Variants in GIGYF2 observed in about 807,000 individuals in gnomAD.
The protein encoded by GIGYF2 is GRB10-interacting GYF protein 2.
A neutral mutation model predicts 208.1 loss-of-function variants in GIGYF2; 25 were observed. The ratio of observed to expected loss-of-function variants is 0.12; its 90% CI spans 0.09 to 0.17. GIGYF2 has a LOEUF of 0.17. Among genes scored for constraint, GIGYF2 ranks in the 10% least tolerant of loss-of-function variants. The probability of loss-of-function intolerance (pLI) is 1.00; values close to 1 mark genes in which losing one functional copy is unlikely to be tolerated. For synonymous variants in GIGYF2, 534 were observed against 543.8 expected (o/e 0.98, Z 0.25); for missense variants, 1,302 against 1,579.4 (o/e 0.82, Z 2.98).
At chr2:232,821,578 C>T (rs969673509) in intron 21 of GIGYF2, among the ~76,000 whole-genome samples, 4 of 152,166 alleles carry the variant, frequency 2.6e-5, no homozygotes, top group Non-Finnish European at 5.9e-5. Flanking sequence ...TCCTTATATT[C>T]TCAGTACATG....
chr2:232,739,370 C>CA (rs1196712960), intron 3 of GIGYF2, among the ~76,000 whole-genome samples: 5 of 134,522 alleles, frequency 3.7e-5, no homozygotes, highest in African/African-American at 1.1e-4. Flanking sequence ...AACCCCCCCC[C>CA]CCCCGCAAAA....
At chr2:232,758,937 A>G (rs1179075209) in intron 6 of GIGYF2, among the ~76,000 whole-genome samples, 1 of 152,188 alleles carries the variant, frequency 6.6e-6, no homozygotes, top group Non-Finnish European at 1.5e-5. Flanking sequence ...GGGGAGAAGT[A>G]CTTAAACTGT....
chr2:232,722,359 G>A (rs982539353), intron 2 of GIGYF2, among the ~76,000 whole-genome samples: 2 of 152,140 alleles, frequency 1.3e-5, no homozygotes, highest in Non-Finnish European at 2.9e-5. Flanking sequence ...AGTGCCAACC[G>A]AAGCGGGAAG....
At chr2:232,765,763 C>T (rs911806648) in intron 8 of GIGYF2, 9 of 325,602 alleles carry the variant, frequency 2.8e-5, no homozygotes, top group African/African-American at 1.5e-4. Context: ...ATAGACATAG[C>T]AATTTTTGGT....
At chr2:232,716,981 GTT>G (rs57977288) in intron 2 of GIGYF2, among the ~76,000 whole-genome samples, 3 of 139,820 alleles carry the variant, frequency 2.1e-5, no homozygotes, top group Non-Finnish European at 3.1e-5. Context: ...AATTTTTGTT[GTT>G]TTTTTTTTTT....
At chr2:232,838,969 A>G (rs897221454) in intron 22 of GIGYF2, among the ~76,000 whole-genome samples, 1 of 152,018 alleles carries the variant, frequency 6.6e-6, no homozygotes, top group African/African-American at 2.4e-5. Flanking sequence ...AACTGTTTAT[A>G]CCTTTTATCC....
At chr2:232,797,874 A>C (rs1323178085) in intron 14 of GIGYF2, among the ~76,000 whole-genome samples, 3 of 149,170 alleles carry the variant, frequency 2.0e-5, no homozygotes, top group African/African-American at 7.4e-5. Flanking sequence ...CCAGCTACTT[A>C]GGTGGCTGAG....
intron 16 of GIGYF2, chr2:232,810,240 G>A (rs1413868862): frequency 1.1e-5 from 2 of 175,002 alleles, no homozygotes; most frequent in South Asian, 1.2e-4. Flanking sequence ...TGCCTGCCTC[G>A]CCTCCCAAAG....
At chr2:232,741,512 G>A (rs939922330) in intron 3 of GIGYF2, among the ~76,000 whole-genome samples, 1 of 150,158 alleles carries the variant, frequency 6.7e-6, no homozygotes, top group Non-Finnish European at 1.5e-5. Flanking sequence ...GTGTGATCTC[G>A]GCTCACTGCA....
At chr2:232,830,563 G>A (rs971418829) in intron 21 of GIGYF2, among the ~76,000 whole-genome samples, 12 of 152,112 alleles carry the variant, frequency 7.9e-5, no homozygotes, top group Non-Finnish European at 1.6e-4. Flanking sequence ...TCTTACATGA[G>A]TATGGTACAT....
rs912309470 is a variant in GIGYF2, at chr2:232,783,809, C to A, written c.533-3341C>A. Among the ~76,000 whole-genome samples the A allele has an allele frequency of 1.2e-4, 19 of 152,242 alleles. No individual in the cohort carries two copies. In the East Asian group the frequency reaches 3.7e-3, roughly 29 times the overall value. On this transcript the variant is annotated intron_variant, in intron 8 of 28. Transcript: ENST00000373563. ...CAAGTGATTCTCCTGCCTCAGCCTC[C>A]CGAGTAGCTGGGATTGCAGGCATGC... is the stretch of plus-strand genomic sequence containing the variant.
In GIGYF2 at chr2:232,819,892, A is replaced by G; in HGVS notation, c.2436A>G (p.Glu812=). ...TAAGGCGACAGCGAGAAGAGGAAGA[A>G]AGACAGCAGCAAGAAGAAGCTCTTA... ...IALRRQREEE[E]RQQQEEALRR... is the part of the protein sequence containing the mutation. Residue 812 remains glutamate (E), a synonymous_variant, in exon 21 of 29, where the codon GAA becomes GAG. Transcript: ENST00000373563. 6.3e-7 allele frequency: 1 copy of G among 1,594,970 alleles called. No homozygotes were observed. The highest frequency in any genetic ancestry group is 8.6e-7 in the Non-Finnish European group (1 of 1,164,994).
Position 232,850,389 on chromosome 2 carries a change from G to A in GIGYF2, c.3812G>A (p.Arg1271Gln). The change falls in exon 28 of 29, where the codon CGA becomes CAA. Residue 1271 changes from arginine to glutamine, a missense_variant. Arg to Gln is a conservative substitution (Grantham distance 43). Coordinates refer to ENST00000373563, the MANE Select transcript of GIGYF2 (RefSeq NM_001103146.3). ...GKKKKKQKMVRADPSLLGFSV... is the reference protein window; with the variant it reads ...GKKKKKQKMVQADPSLLGFSV... ...AAGAAGAAAAAGCAGAAGATGGTCC[G>A]AGCAGATCCCAGTTTATTAGGTGAG... The A allele has an allele frequency of 1.2e-6, 2 of 1,614,142 alleles. No individual in the cohort carries two copies. The highest frequency in any genetic ancestry group is 1.7e-6 in the Non-Finnish European group (2 of 1,180,004).
At chr2:232,814,854 G>A (rs1010968212) in intron 18 of GIGYF2, among the ~76,000 whole-genome samples, 2 of 152,076 alleles carry the variant, frequency 1.3e-5, no homozygotes, top group African/African-American at 4.8e-5. Flanking sequence ...TAGTCCATTG[G>A]TTTTATACAG....
rs1164448136 is a variant in GIGYF2 at position 232,844,219 on chromosome 2, G to A, written c.3063G>A (p.Gln1021=). 5 of 1,564,612 alleles carry A rather than the reference G, an allele frequency of 3.2e-6. No homozygotes were observed. The highest frequency in any genetic ancestry group is 1.4e-5 in the African/African-American group (1 of 73,586). Residue 1021 remains glutamine, a synonymous_variant, in exon 24 of 29, where the codon CAG becomes CAA. Transcript: ENST00000373563. The part of the protein sequence containing the change: ...RQMQKQQQQQ[Q]QHQQPNRARN... ...TGCAAAAGCAGCAGCAGCAGCAGCA[G>A]CAACACCAGCAACCAAACAGAGCTC...
At chr2:232,723,108 G>A (rs1486929830) in intron 2 of GIGYF2, among the ~76,000 whole-genome samples, 1 of 152,090 alleles carries the variant, frequency 6.6e-6, no homozygotes, top group Non-Finnish European at 1.5e-5. Flanking sequence ...ATGGACATTA[G>A]CTTGGCCTCA....
chr2:232,848,399 G>A (rs1702088956), intron 27 of GIGYF2, among the ~76,000 whole-genome samples: 1 of 152,204 alleles, frequency 6.6e-6, no homozygotes, highest in Admixed American at 6.5e-5. Flanking sequence ...ACTTTGGGAG[G>A]CCGAGACAGG....
At chr2:232,811,086 G>C in intron 16 of GIGYF2, 158 bp from the exon 17 acceptor site, 2 of 599,060 alleles carry the variant, frequency 3.3e-6, no homozygotes, top group Non-Finnish European at 5.9e-6. Context: ...AATTTTCTAT[G>C]TGTCTATTAT....
intron 8 of GIGYF2, chr2:232,768,829 T>C (rs973485938): frequency 1.3e-6 from 2 of 1,595,894 alleles, no homozygotes; most frequent in Non-Finnish European, 8.6e-7. Context: ...TAAGAAATTA[T>C]TGATTTTTTT....
Sources: allele counts gnomAD v4.1 joint callset (sites outside exome capture counted in the v4.1 genomes callset), GRCh38; gene constraint gnomAD v4.1.1; transcripts MANE v1.5; gene names NCBI Gene and HGNC (gene_info 2026-07-23, HGNC 2026-07-21).